KLHL32: variants seen among roughly 807,000 people sequenced by gnomAD.
KLHL32 encodes kelch like family member 32.
Under a neutral mutation model 64.8 loss-of-function variants are expected in KLHL32, and 35 were observed. The observed-to-expected ratio is 0.54, with a 90% CI of 0.41 to 0.72. KLHL32 has a LOEUF of 0.72. Among genes scored for constraint, KLHL32 ranks in the 30% least tolerant of loss-of-function variants. KLHL32 has a pLI of 0.00. For synonymous variants in KLHL32, 259 were observed against 281.0 expected (o/e 0.92, Z 0.78); for missense variants, 589 against 768.5 (o/e 0.77, Z 2.76).
chr6:97,088,092 T>A (rs994075890), intron 6 of KLHL32, among the ~76,000 whole-genome samples: 4 of 152,250 alleles, frequency 2.6e-5, no homozygotes, highest in African/African-American at 9.6e-5. Flanking sequence ...TTCCATGGTC[T>A]GAAATGACTT....
At chr6:96,981,679 T>C (rs891344091) in intron 3 of KLHL32, among the ~76,000 whole-genome samples, 15 of 152,186 alleles carry the variant, frequency 9.9e-5, no homozygotes, top group African/African-American at 3.6e-4. Context: ...CTTTTTGATA[T>C]GGGCATTTAG....
At chr6:96,988,820 T>A (rs1160272329) in intron 3 of KLHL32, among the ~76,000 whole-genome samples, 1 of 152,120 alleles carries the variant, frequency 6.6e-6, no homozygotes, top group East Asian at 1.9e-4. Flanking sequence ...TGGATGAAGA[T>A]GGAAACCATC....
At chr6:97,082,250 A>G (rs1562316392) in intron 5 of KLHL32, among the ~76,000 whole-genome samples, 3 of 152,164 alleles carry the variant, frequency 2.0e-5, no homozygotes, top group Admixed American at 6.5e-5. Flanking sequence ...TGGGTTCTTG[A>G]TGTGGGTGTC....
intron 1 of KLHL32, among the ~76,000 whole-genome samples, chr6:96,966,749 A>G (rs968129529): frequency 6.6e-5 from 10 of 152,194 alleles, no homozygotes; most frequent in South Asian, 2.1e-4. Flanking sequence ...ACACTTAATT[A>G]CTATTGTTGA....
chr6:96,983,006 G>T (rs1417598997), intron 3 of KLHL32, among the ~76,000 whole-genome samples: 1 of 152,234 alleles, frequency 6.6e-6, no homozygotes, highest in African/African-American at 2.4e-5. Flanking sequence ...GTATGATATT[G>T]GCCGTGGGTT....
At chr6:97,098,308 T>A (rs2128193203) in intron 6 of KLHL32, among the ~76,000 whole-genome samples, 1 of 152,336 alleles carries the variant, frequency 6.6e-6, no homozygotes, top group Middle Eastern at 3.4e-3. Flanking sequence ...AGTGGTCTCA[T>A]CATATATTAG....
At chr6:97,121,732 A>G (rs1798390872) in intron 7 of KLHL32, among the ~76,000 whole-genome samples, 2 of 152,166 alleles carry the variant, frequency 1.3e-5, no homozygotes, top group Non-Finnish European at 2.9e-5. Context: ...GTGTCTAACT[A>G]GATGGGTCTA....
At chr6:96,954,155 C>G (rs1772972042) in intron 1 of KLHL32, among the ~76,000 whole-genome samples, 1 of 152,066 alleles carries the variant, frequency 6.6e-6, no homozygotes, top group Non-Finnish European at 1.5e-5. Flanking sequence ...AAAACATCCT[C>G]TAATAACTTC....
chr6:97,078,163 G>C (rs958818251), intron 5 of KLHL32, among the ~76,000 whole-genome samples: 1 of 152,192 alleles, frequency 6.6e-6, no homozygotes, highest in Non-Finnish European at 1.5e-5. Context: ...TTCTCAGGCT[G>C]TTTGGAATAG....
chr6:96,985,652 A>G (rs183923855), intron 3 of KLHL32, among the ~76,000 whole-genome samples: 3,004 of 152,150 alleles, frequency 0.02, 107 homozygotes, highest in African/African-American at 0.069. Flanking sequence ...CCTTTCTTCC[A>G]GTTGATCGAA....
chr6:96,927,506 G>A (rs192721351), intron 1 of KLHL32, among the ~76,000 whole-genome samples: 220 of 152,062 alleles, frequency 1.4e-3, no homozygotes, highest in Non-Finnish European at 2.4e-3. Context: ...CCATTTTCTC[G>A]TGTTTCTCCT....
At chr6:96,957,678 G>A (rs1387400437) in intron 1 of KLHL32, among the ~76,000 whole-genome samples, 1 of 152,094 alleles carries the variant, frequency 6.6e-6, no homozygotes, top group Non-Finnish European at 1.5e-5. Flanking sequence ...ATTCATAGAG[G>A]AGTGATGGAG....
rs766070241 is a variant in KLHL32, at chr6:97,004,939, C to CT, written c.204+28772dup. On this transcript the variant is annotated intron_variant, in intron 3 of 10. Coordinates refer to ENST00000369261, the MANE Select transcript of KLHL32 (RefSeq NM_052904.4). ...AGGCTATTGGCCTGAAGTTTTCTTTCTTTTTTTTTTGTTATGGGTCTGCTA... is the reference window on the plus strand; with the variant it reads ...AGGCTATTGGCCTGAAGTTTTCTTTCTTTTTTTTTTTGTTATGGGTCTGCTA... Among the ~76,000 whole-genome samples the CT allele has an allele frequency of 9.9e-4, 146 of 147,024 alleles. 1 individual carries two copies. The highest frequency in any genetic ancestry group is 2.6e-3 in the East Asian group (13 of 5,070).
intron 7 of KLHL32, among the ~76,000 whole-genome samples, chr6:97,118,424 G>A (rs1206479770): frequency 1.3e-5 from 2 of 152,036 alleles, no homozygotes; most frequent in Non-Finnish European, 2.9e-5. Flanking sequence ...TTCGAGACCA[G>A]CCTGGCCAGC....
At chr6:97,077,660 TA>T (rs1791819059) in intron 5 of KLHL32, among the ~76,000 whole-genome samples, 1 of 152,220 alleles carries the variant, frequency 6.6e-6, no homozygotes, top group Admixed American at 6.5e-5. Flanking sequence ...ATTAAGTACT[TA>T]AGAACACTTT....
chr6:97,093,003 T>C (rs1449410821), intron 6 of KLHL32, among the ~76,000 whole-genome samples: 1 of 152,164 alleles, frequency 6.6e-6, no homozygotes, highest in Non-Finnish European at 1.5e-5. Flanking sequence ...AACAACAAGG[T>C]GATTTATGAG....
At chr6:96,954,811 A>T (rs1007940577) in intron 1 of KLHL32, among the ~76,000 whole-genome samples, 2 of 152,230 alleles carry the variant, frequency 1.3e-5, no homozygotes, top group African/African-American at 4.8e-5. Flanking sequence ...GAAGGGACCT[A>T]AGAGTTCAAA....
At position 97,085,317 on chromosome 6, in the gene KLHL32, C is replaced by T. The variant is rs551403903; in HGVS notation, c.603C>T (p.Ser201=). Residue 201 remains serine (S), a synonymous_variant, in exon 6 of 11, where the codon TCC becomes TCT. Coordinates refer to ENST00000369261, the MANE Select transcript of KLHL32 (RefSeq NM_052904.4). ...TGCTGAAGAGCGACCGCCTGACCTC[C>T]CTGAGTGAAGAGCAGATCTGGCAGG... is the stretch of plus-strand genomic sequence containing the variant. ...QEVLKSDRLT[S]LSEEQIWQLA... is the part of the protein sequence containing the mutation. 95 of 1,612,832 alleles carry T rather than the reference C, an allele frequency of 5.9e-5. No individual in the cohort carries two copies. The Admixed American group carries it at 1.6e-3, about 27-fold the overall frequency.
chr6:96,992,559 G>A (rs1471145864), intron 3 of KLHL32, among the ~76,000 whole-genome samples: 2 of 152,188 alleles, frequency 1.3e-5, no homozygotes, highest in East Asian at 1.9e-4. Context: ...ATTTGATTTC[G>A]CACATTTGTG....
Sources: allele counts gnomAD v4.1 joint callset (sites outside exome capture counted in the v4.1 genomes callset), GRCh38; gene constraint gnomAD v4.1.1; transcripts MANE v1.5; gene names NCBI Gene and HGNC (gene_info 2026-07-23, HGNC 2026-07-21).